L3MBTL4: variants seen among roughly 807,000 people sequenced by gnomAD.
L3MBTL4 encodes L3MBTL histone methyl-lysine binding protein 4, also known as lethal(3)malignant brain tumor-like protein 4.
L3MBTL4 carries 70 observed loss-of-function variants against 84.5 expected under a neutral mutation model. The observed-to-expected ratio is 0.83, with a 90% CI of 0.68 to 1.01. The LOEUF (loss-of-function observed/expected upper bound fraction) is 1.01. Ranked by LOEUF, L3MBTL4 falls within the 50% of genes least tolerant of loss-of-function variation. L3MBTL4 has a pLI of 0.00. For synonymous variants in L3MBTL4, 274 were observed against 259.8 expected (o/e 1.05, Z -0.52); for missense variants, 715 against 754.8 (o/e 0.95, Z 0.62).
intron 11 of L3MBTL4, among the ~76,000 whole-genome samples, chr18:6,214,431 G>A (rs2046241400): frequency 1.3e-5 from 2 of 152,138 alleles, no homozygotes; most frequent in Non-Finnish European, 1.5e-5. Flanking sequence ...TCTATAGGTT[G>A]GCAAAAAGTT....
intron 16 of L3MBTL4, among the ~76,000 whole-genome samples, chr18:5,996,793 T>C (rs371946316): frequency 3.8e-4 from 58 of 151,948 alleles, no homozygotes; most frequent in African/African-American, 1.4e-3. Flanking sequence ...GCAGCAGGAG[T>C]TTCTTTATAA....
Position 6,029,570 on chromosome 18 carries a change from A to T in L3MBTL4, c.1444+51311T>A, listed in dbSNP as rs796550088. The T allele has an allele frequency of 1.1e-5, 11 of 985,432 alleles. No homozygotes were observed. In the African/African-American group the frequency reaches 1.9e-4, roughly 17 times the overall value. 61.0% of individuals were successfully genotyped at this position (985,432 alleles called of 1,614,324 possible). A position where few individuals can be genotyped will look rare whatever the true frequency, so the allele number is the denominator to read the frequency against. On this transcript the variant is annotated intron_variant, in intron 16 of 18. Coordinates refer to ENST00000317931, the MANE Select transcript of L3MBTL4 (RefSeq NM_001330559.2). ...TACGTCCATTTATTGCAGCAACAAAAACGATAAACTGCTTAGGAATAAACT... is the reference window on the plus strand; with the variant it reads ...TACGTCCATTTATTGCAGCAACAAATACGATAAACTGCTTAGGAATAAACT...
At chr18:6,237,310 T>C (rs965432111) in intron 10 of L3MBTL4, among the ~76,000 whole-genome samples, 5 of 152,008 alleles carry the variant, frequency 3.3e-5, no homozygotes, top group African/African-American at 1.2e-4. Context: ...AATCATAGCA[T>C]TCAATTAATG....
intron 1 of L3MBTL4, among the ~76,000 whole-genome samples, chr18:6,316,252 T>C (rs2146993658): frequency 6.6e-6 from 1 of 152,272 alleles, no homozygotes; most frequent in South Asian, 2.1e-4. Flanking sequence ...CAGCCTGAAA[T>C]GTGGCAGCCC....
At chr18:6,041,968 C>G (rs2056422927) in intron 16 of L3MBTL4, among the ~76,000 whole-genome samples, 1 of 152,060 alleles carries the variant, frequency 6.6e-6, no homozygotes, top group Admixed American at 6.5e-5. Flanking sequence ...AGTGATCCTC[C>G]TGCCTTGGCC....
intron 13 of L3MBTL4, among the ~76,000 whole-genome samples, chr18:6,166,093 T>C (rs934980979): frequency 2.0e-5 from 3 of 152,170 alleles, no homozygotes; most frequent in African/African-American, 7.2e-5. Flanking sequence ...GGTCATTACA[T>C]AATGGTAAAG....
At chr18:6,207,859 A>G (rs530974974) in intron 12 of L3MBTL4, among the ~76,000 whole-genome samples, 1 of 152,144 alleles carries the variant, frequency 6.6e-6, no homozygotes, top group South Asian at 2.1e-4. Context: ...TAATCCCAGA[A>G]CTTTGGGAGC....
chr18:6,118,544 T>C (rs2059428520), intron 14 of L3MBTL4, among the ~76,000 whole-genome samples: 1 of 152,196 alleles, frequency 6.6e-6, no homozygotes, highest in African/African-American at 2.4e-5. Flanking sequence ...TACATGCTTG[T>C]TCAGTGAAAG....
chr18:6,306,161 C>T (rs2050577062), intron 3 of L3MBTL4, among the ~76,000 whole-genome samples: 1 of 152,198 alleles, frequency 6.6e-6, no homozygotes, highest in African/African-American at 2.4e-5. Context: ...CCTGCTAGTT[C>T]AAGTCCACTT....
chr18:6,327,523 A>T (rs1323083158), intron 1 of L3MBTL4, among the ~76,000 whole-genome samples: 1 of 152,214 alleles, frequency 6.6e-6, no homozygotes, highest in African/African-American at 2.4e-5. Context: ...TACATGCCAT[A>T]TATCATTTAT....
chr18:6,046,482 C>T (rs1466484281), intron 16 of L3MBTL4, among the ~76,000 whole-genome samples: 2 of 152,066 alleles, frequency 1.3e-5, no homozygotes, highest in African/African-American at 2.4e-5. Flanking sequence ...AGAACACATT[C>T]CAAGATAAAC....
At chr18:6,093,673 C>T in intron 14 of L3MBTL4, 145 bp from the exon 15 acceptor site, 1 of 619,472 alleles carries the variant, frequency 1.6e-6, no homozygotes, top group Non-Finnish European at 2.5e-6. Flanking sequence ...ATAATAGTTT[C>T]TTTTCATATT....
At chr18:5,970,689 G>T (rs1006332636) in intron 16 of L3MBTL4, among the ~76,000 whole-genome samples, 1 of 152,218 alleles carries the variant, frequency 6.6e-6, no homozygotes, top group Non-Finnish European at 1.5e-5. Context: ...CAAAGAGAAG[G>T]TTAAATAAGC....
At chr18:6,220,447 C>T (rs1223029294) in intron 10 of L3MBTL4, among the ~76,000 whole-genome samples, 1 of 152,132 alleles carries the variant, frequency 6.6e-6, no homozygotes. Context: ...CCAGACTTGT[C>T]ACCTTATCTC....
chr18:6,002,196 C>A (rs2054246035), intron 16 of L3MBTL4, among the ~76,000 whole-genome samples: 1 of 152,030 alleles, frequency 6.6e-6, no homozygotes, highest in Non-Finnish European at 1.5e-5. Flanking sequence ...TCTATATAAG[C>A]CAAACTCTCT....
chr18:6,050,368 A>T (rs1306312374), intron 16 of L3MBTL4, among the ~76,000 whole-genome samples: 1 of 152,234 alleles, frequency 6.6e-6, no homozygotes, highest in Non-Finnish European at 1.5e-5. Context: ...TTTCCTTTGA[A>T]TAGAAACTGT....
Position 6,244,542 on chromosome 18 carries a change from C to G in L3MBTL4, c.266G>C (p.Arg89Thr). The G allele has an allele frequency of 6.2e-7, 1 of 1,614,040 alleles. No homozygotes were observed. Among genetic ancestry groups the G allele is most frequent in the Non-Finnish European group, 8.5e-7 (1 of 1,179,920 alleles). The change falls in exon 6 of 19, where the codon AGA (arginine) becomes ACA (threonine). Residue 89 changes from arginine (R) to threonine (T), a missense_variant. Physicochemically the swap from Arg to Thr is moderately conservative, Grantham distance 71 (BLOSUM62 -1). Transcript: ENST00000317931. ...ATGTCGGGGATCAATGCCTTCTAAT[C>G]TCATTCCAATCTGAAAACCATTTTC... is the stretch of plus-strand genomic sequence containing the variant. ...EHENGFQIGMRLEGIDPRHPS... is the reference protein window; with the variant it reads ...EHENGFQIGMTLEGIDPRHPS...
intron 12 of L3MBTL4, among the ~76,000 whole-genome samples, chr18:6,203,561 T>C (rs1252307725): frequency 6.6e-6 from 1 of 152,156 alleles, no homozygotes; most frequent in Non-Finnish European, 1.5e-5. Flanking sequence ...CATACCTGAC[T>C]CACTGTGGAG....
chr18:6,075,329 C>A (rs1568073590), intron 16 of L3MBTL4, among the ~76,000 whole-genome samples: 1 of 152,130 alleles, frequency 6.6e-6, no homozygotes, highest in Non-Finnish European at 1.5e-5. Flanking sequence ...ACAAGAATAG[C>A]CAAGTAAACC....
Sources: gnomAD v4.1 joint callset for allele counts (sites outside exome capture counted in the v4.1 genomes callset) on GRCh38, gnomAD v4.1.1 for gene constraint, MANE v1.5 for transcripts, NCBI Gene and HGNC (gene_info 2026-07-23, HGNC 2026-07-21) for gene names.